The following TENM2 variants were observed in gnomAD, a reference collection of about 807,000 sequenced individuals.
TENM2 encodes the protein teneurin transmembrane protein 2.
In TENM2, 52 loss-of-function variants were observed where a neutral mutation model predicts 245.2. The observed-to-expected ratio is 0.21, with a 90% CI of 0.17 to 0.27. The LOEUF is 0.27. Among genes scored for constraint, TENM2 ranks in the 10% least tolerant of loss-of-function variants. TENM2 has a pLI of 1.00. For missense variants in TENM2, 3,046 were observed against 3,666.8 expected (o/e 0.83, Z 4.37); for synonymous variants, 1,363 against 1,438.9 (o/e 0.95, Z 1.19).
chr5:167,047,763 C>A, the TENM2 span, among the ~76,000 whole-genome samples: 1 of 152,204 alleles, frequency 6.6e-6, no homozygotes, highest in African/African-American at 2.4e-5. Context: ...CATAGTAAGT[C>A]TTTAATTGTG....
chr5:167,598,108 C>A (rs1460570811), intron 2 of TENM2, among the ~76,000 whole-genome samples: 3 of 152,170 alleles, frequency 2.0e-5, no homozygotes, highest in African/African-American at 7.2e-5. Context: ...GGCACATGGA[C>A]ATCATATGTG....
chr5:168,011,610 GCT>G (rs957951540), intron 5 of TENM2, among the ~76,000 whole-genome samples: 1 of 151,972 alleles, frequency 6.6e-6, no homozygotes, highest in African/African-American at 2.4e-5. Context: ...CTCATCTTTG[GCT>G]CTGTGTCCCT....
At chr5:168,113,802 G>T (rs1413050596) in intron 9 of TENM2, among the ~76,000 whole-genome samples, 1 of 152,044 alleles carries the variant, frequency 6.6e-6, no homozygotes, top group Non-Finnish European at 1.5e-5. Flanking sequence ...AGTAAAACAG[G>T]AATAGTCAAT....
chr5:168,109,866 T>C (rs886967058), intron 9 of TENM2, among the ~76,000 whole-genome samples: 2 of 152,130 alleles, frequency 1.3e-5, no homozygotes, highest in African/African-American at 2.4e-5. Context: ...AGTTTGGAAG[T>C]TGCAGTGCAC....
At position 167,848,196 on chromosome 5, in the gene TENM2, C is replaced by T. The variant is rs185809309; in HGVS notation, c.503-27790C>T. Among the ~76,000 whole-genome samples the T allele has an allele frequency of 4.3e-3, 660 of 152,170 alleles. 1 individual carries two copies. The highest frequency in any genetic ancestry group is 8.2e-3 in the Non-Finnish European group (555 of 68,018). Reference sequence around the variant, plus strand: ...AGTAGGTCATGAGAGCTGAGTGGATCGTGAGAACTGAATAGGTCATGAGAG... The same window carrying T: ...AGTAGGTCATGAGAGCTGAGTGGATTGTGAGAACTGAATAGGTCATGAGAG... On this transcript the variant is annotated intron_variant, in intron 2 of 28. Transcript: ENST00000518659.
Position 167,651,531 on chromosome 5 carries a change from C to G in TENM2, c.503-224455C>G, listed in dbSNP as rs183573859. 3.0e-3 allele frequency among the ~76,000 whole-genome samples: 414 copies of G among 139,916 alleles called. 4 individuals carry two copies. The East Asian group carries it at 0.037, about 13-fold the overall frequency. The allele number at this position is 139,916 out of a possible 152,430, so 91.8% of individuals were successfully genotyped here. A position where few individuals can be genotyped will look rare whatever the true frequency, so the allele number is the denominator to read the frequency against. ...TCCTCACATGCATGCTATTTTGTAC[C>G]TGTAGTAATAAGTAACATGACCCGA... On this transcript the variant is annotated intron_variant, in intron 2 of 28. Transcript: ENST00000518659.
intron 2 of TENM2, among the ~76,000 whole-genome samples, chr5:167,771,982 C>T (rs189440105): frequency 1.3e-5 from 2 of 152,078 alleles, no homozygotes; most frequent in Non-Finnish European, 2.9e-5. Flanking sequence ...AATATGGTGG[C>T]CATACAGTAC....
intron 12 of TENM2, among the ~76,000 whole-genome samples, chr5:168,155,389 A>C (rs1256236225): frequency 1.2e-5 from 1 of 86,572 alleles, no homozygotes; most frequent in East Asian, 4.5e-4. Context: ...GTGATATTTA[A>C]AACAGTTGGT....
At chr5:167,602,075 A>AG (rs1171791657) in intron 2 of TENM2, among the ~76,000 whole-genome samples, 2 of 151,800 alleles carry the variant, frequency 1.3e-5, no homozygotes, top group East Asian at 3.9e-4. Flanking sequence ...AAACGTGGGA[A>AG]GGTTTTGGCC....
the TENM2 span, among the ~76,000 whole-genome samples, chr5:167,137,821 G>A: frequency 5.3e-5 from 8 of 152,310 alleles, no homozygotes; most frequent in East Asian, 1.5e-3. Flanking sequence ...CTAGTCATGT[G>A]TTTTCAGGAA....
chr5:168,036,662 AT>A (rs1787704340), intron 5 of TENM2, among the ~76,000 whole-genome samples: 1 of 123,020 alleles, frequency 8.1e-6, no homozygotes, highest in Non-Finnish European at 1.6e-5. Flanking sequence ...ATATATATAT[AT>A]AATATATGTA....
chr5:167,200,365 A>T, the TENM2 span, among the ~76,000 whole-genome samples: 4 of 151,766 alleles, frequency 2.6e-5, no homozygotes, highest in African/African-American at 9.7e-5. Context: ...CTTAGCTCTT[A>T]TTTGTGTCAT....
At chr5:167,321,884 C>T (rs1416821423) in intron 1 of TENM2, among the ~76,000 whole-genome samples, 4 of 136,816 alleles carry the variant, frequency 2.9e-5, no homozygotes, top group South Asian at 2.5e-4. Context: ...ACTCAGATCT[C>T]GGTTGCAGAT....
chr5:167,457,482 A>G (rs1001656444), intron 2 of TENM2, among the ~76,000 whole-genome samples: 6 of 152,046 alleles, frequency 3.9e-5, no homozygotes, highest in African/African-American at 1.4e-4. Context: ...AGCTGGGATT[A>G]CATGGGTGGC....
intron 1 of TENM2, among the ~76,000 whole-genome samples, chr5:167,316,383 T>G (rs1210285999): frequency 6.6e-6 from 1 of 152,318 alleles, no homozygotes; most frequent in Non-Finnish European, 1.5e-5. Context: ...AGTGCAGAGT[T>G]GTACATGAGC....
At chr5:168,156,001 C>A (rs950648804) in intron 12 of TENM2, among the ~76,000 whole-genome samples, 1 of 151,030 alleles carries the variant, frequency 6.6e-6, no homozygotes, top group African/African-American at 2.4e-5. Context: ...ACGTGCCAAC[C>A]GTTCTTCTAG....
At chr5:167,326,811 A>T (rs1223275337) in intron 1 of TENM2, among the ~76,000 whole-genome samples, 1 of 151,160 alleles carries the variant, frequency 6.6e-6, no homozygotes, top group African/African-American at 2.4e-5. Context: ...CAATGCAAGA[A>T]GCATGTATAA....
At chr5:167,445,331 A>AG (rs1425509022) in intron 2 of TENM2, among the ~76,000 whole-genome samples, 2 of 101,422 alleles carry the variant, frequency 2.0e-5, no homozygotes. Flanking sequence ...ATATATATAT[A>AG]TATATAGAGA....
chr5:167,848,274 C>T (rs528860936), intron 2 of TENM2, among the ~76,000 whole-genome samples: 1 of 152,156 alleles, frequency 6.6e-6, no homozygotes, highest in Non-Finnish European at 1.5e-5. Context: ...TAGATCTTAC[C>T]CTTCAATTGA....
Sources: gnomAD v4.1 joint callset for allele counts (sites outside exome capture counted in the v4.1 genomes callset) on GRCh38, gnomAD v4.1.1 for gene constraint, MANE v1.5 for transcripts, NCBI Gene and HGNC (gene_info 2026-07-23, HGNC 2026-07-21) for gene names.